Variants in NUFIP2 observed in about 807,000 individuals in gnomAD.
The protein encoded by NUFIP2 is nuclear FMR1 interacting protein 2.
NUFIP2 carries 6 observed loss-of-function variants against 56.9 expected under a neutral mutation model. The ratio of observed to expected loss-of-function variants is 0.11; its 90% CI spans 0.06 to 0.21. The LOEUF (loss-of-function observed/expected upper bound fraction) is 0.21, where lower values mean the gene tolerates loss of function less well. Among genes scored for constraint, NUFIP2 ranks in the 10% least tolerant of loss-of-function variants. NUFIP2 has a pLI of 1.00. For synonymous variants in NUFIP2, 321 were observed against 298.2 expected (o/e 1.08, Z -0.79); for missense variants, 828 against 826.8 (o/e 1.00, Z -0.02).
At chr17:29,287,760 T>A (rs893019668) in intron 1 of NUFIP2, 44 bp from the exon 2 acceptor site, 3 of 1,496,528 alleles carry the variant, frequency 2.0e-6, no homozygotes, top group Middle Eastern at 1.9e-4. Flanking sequence ...AATCACAACA[T>A]GTAAATTACA....
intron 2 of NUFIP2, among the ~76,000 whole-genome samples, chr17:29,281,676 G>C (rs1226788254): frequency 7.7e-6 from 1 of 129,690 alleles, no homozygotes; most frequent in Non-Finnish European, 1.6e-5. Flanking sequence ...GTGACAATGA[G>C]ATCCTGTCTC....
intron 2 of NUFIP2, among the ~76,000 whole-genome samples, chr17:29,272,594 T>C (rs2069081951): frequency 1.3e-5 from 2 of 152,154 alleles, no homozygotes; most frequent in African/African-American, 4.8e-5. Context: ...AACAAGTGAA[T>C]AGTATAAAGA....
rs1296290752 is a variant in NUFIP2, at chr17:29,258,119, T to G, written c.*6420A>C. 6.6e-6 allele frequency: 1 copy of G among 152,176 alleles called. No homozygotes were observed. The highest frequency in any genetic ancestry group is 1.5e-5 in the Non-Finnish European group (1 of 68,018). 9.4% of individuals were successfully genotyped at this position (152,176 alleles called of 1,614,324 possible). ...GCACATTGATATAAAAATAGATCTC[T>G]GGCCAACAAATATATTAAATAAGCA... On this transcript the variant is annotated 3_prime_UTR_variant, in exon 4 of 4. Transcript: ENST00000225388.
chr17:29,274,832 C>T (rs2069097531), intron 2 of NUFIP2, among the ~76,000 whole-genome samples: 1 of 151,622 alleles, frequency 6.6e-6, no homozygotes, highest in East Asian at 1.9e-4. Context: ...GAGATGAAGA[C>T]AGTATGCGAG....
rs1282985657 is a variant in NUFIP2, at chr17:29,257,578, CATAA to C, written c.*6957_*6960del. On this transcript the variant is annotated 3_prime_UTR_variant, in exon 4 of 4. Coordinates refer to ENST00000225388, the MANE Select transcript of NUFIP2 (RefSeq NM_020772.3). ...ATTATTTTGAGACAATTGTTGCAGA[CATAA>C]ATATTTAAAATTTTCTAAGCAAGGT... 1.3e-5 allele frequency: 2 copies of C among 151,442 alleles called. No homozygotes were observed. The highest frequency in any genetic ancestry group is 4.9e-5 in the African/African-American group (2 of 41,154). 9.4% of individuals were successfully genotyped at this position (151,442 alleles called of 1,614,324 possible).
chr17:29,272,978 T>C (rs2069084918), intron 2 of NUFIP2, among the ~76,000 whole-genome samples: 1 of 151,334 alleles, frequency 6.6e-6, no homozygotes, highest in South Asian at 2.1e-4. Flanking sequence ...GCCTCCCAAA[T>C]AGCTGGGATT....
chr17:29,292,423 T>G (rs557797017), intron 1 of NUFIP2, among the ~76,000 whole-genome samples: 36 of 151,014 alleles, frequency 2.4e-4, no homozygotes, highest in Non-Finnish European at 3.7e-4. Context: ...TTTTTTTTTT[T>G]GTAGAAAATG....
intron 2 of NUFIP2, among the ~76,000 whole-genome samples, chr17:29,276,810 G>T (rs1247056352): frequency 6.6e-6 from 1 of 152,122 alleles, no homozygotes; most frequent in Non-Finnish European, 1.5e-5. Context: ...AAGTAATAAT[G>T]TAACTGTAAA....
rs531879265 is a variant in NUFIP2, at chr17:29,256,052, A to G, written c.*8487T>C. 2 of 152,376 alleles carry G rather than the reference A, an allele frequency of 1.3e-5. No individual in the cohort carries two copies. Among genetic ancestry groups the G allele is most frequent in the South Asian group, 4.1e-4 (2 of 4,832 alleles). The allele number at this position is 152,376 out of a possible 1,614,324, so 9.4% of individuals were successfully genotyped here. ...ACTTCCTCAGAATCCATGACATCAG[A>G]AACAGCTATAGCAAATACCTAAGCA... On this transcript the variant is annotated 3_prime_UTR_variant, in exon 4 of 4. Transcript: ENST00000225388.
intron 2 of NUFIP2, among the ~76,000 whole-genome samples, chr17:29,273,689 T>C (rs1435994897): frequency 2.6e-5 from 4 of 152,184 alleles, no homozygotes; most frequent in African/African-American, 9.7e-5. Flanking sequence ...TTAGACCTAA[T>C]AGAACCTAAG....
chr17:29,292,552 G>A (rs895183972), intron 1 of NUFIP2, among the ~76,000 whole-genome samples: 4 of 151,640 alleles, frequency 2.6e-5, no homozygotes, highest in Admixed American at 2.6e-4. Flanking sequence ...GGTTCCCGCT[G>A]GGTACCCCAC....
intron 1 of NUFIP2, 62 bp from the exon 2 acceptor site, chr17:29,287,778 C>T: frequency 7.0e-7 from 1 of 1,419,272 alleles, no homozygotes; most frequent in Non-Finnish European, 9.4e-7. Context: ...ACACTAATAC[C>T]TAACATTTAA....
chr17:29,279,848 T>A (rs569849121), intron 2 of NUFIP2, among the ~76,000 whole-genome samples: 65 of 152,192 alleles, frequency 4.3e-4, no homozygotes, highest in Admixed American at 7.2e-4. Flanking sequence ...GAAGTCTTGC[T>A]GTGTCTCCTA....
chr17:29,267,133 A>G (rs996192867), intron 3 of NUFIP2, among the ~76,000 whole-genome samples: 2 of 150,572 alleles, frequency 1.3e-5, no homozygotes, highest in African/African-American at 4.9e-5. Flanking sequence ...TGAACTCCTG[A>G]CCTCGGGTGA....
chr17:29,267,933 C>CTT (rs34085419), intron 2 of NUFIP2, among the ~76,000 whole-genome samples: 99,564 of 151,930 alleles, frequency 0.66, 33,178 homozygotes, highest in East Asian at 0.87. Flanking sequence ...GAGTTTCGCT[C>CTT]TGTTACCCAG....
rs2068995975 is a variant in NUFIP2, at chr17:29,260,428, TA to T, written c.*4110del. On this transcript the variant is annotated 3_prime_UTR_variant, in exon 4 of 4. Coordinates refer to ENST00000225388, the MANE Select transcript of NUFIP2 (RefSeq NM_020772.3). ...TGGCCCAGCGGCATAACTATACTAA[TA>T]ATACCTGGAAATTGGACTTTTAATC... is the stretch of plus-strand genomic sequence containing the variant. 6.6e-6 allele frequency: 1 copy of T among 152,256 alleles called. No homozygotes were observed. Among genetic ancestry groups the T allele is most frequent in the African/African-American group, 2.4e-5 (1 of 41,466 alleles). The allele number at this position is 152,256 out of a possible 1,614,324, so 9.4% of individuals were successfully genotyped here.
intron 1 of NUFIP2, among the ~76,000 whole-genome samples, chr17:29,293,007 C>G (rs2069227560): frequency 6.6e-6 from 1 of 151,442 alleles, no homozygotes; most frequent in South Asian, 2.1e-4. Flanking sequence ...ACACCCTTCC[C>G]CCTCCGCTCC....
At chr17:29,279,697 T>C (rs972341763) in intron 2 of NUFIP2, among the ~76,000 whole-genome samples, 3 of 152,176 alleles carry the variant, frequency 2.0e-5, no homozygotes, top group East Asian at 1.9e-4. Context: ...AATTTTTTTG[T>C]AGAAATCAGG....
chr17:29,265,001 A>G (rs1170414270), intron 3 of NUFIP2, among the ~76,000 whole-genome samples: 1 of 152,234 alleles, frequency 6.6e-6, no homozygotes, highest in African/African-American at 2.4e-5. Flanking sequence ...AATGAAGTCA[A>G]AATTTATTTT....
Sources: gnomAD v4.1 joint callset for allele counts (sites outside exome capture counted in the v4.1 genomes callset) on GRCh38, gnomAD v4.1.1 for gene constraint, MANE v1.5 for transcripts, NCBI Gene and HGNC (gene_info 2026-07-23, HGNC 2026-07-21) for gene names.